Variants in MZT2A observed in about 807,000 individuals in gnomAD.
MZT2A encodes the protein mitotic-spindle organizing protein 2A.
MZT2A carries 8 observed loss-of-function variants against 12.4 expected under a neutral mutation model. The observed-to-expected ratio is 0.64, with a 90% CI of 0.38 to 1.16. The LOEUF is 1.16. MZT2A is among the 50% of genes most tolerant of loss of function. MZT2A has a pLI of 0.01. For synonymous variants in MZT2A, 88 were observed against 107.5 expected (o/e 0.82, Z 1.12); for missense variants, 181 against 223.6 (o/e 0.81, Z 1.22).
intron 2 of MZT2A, among the ~76,000 whole-genome samples, chr2:131,489,025 G>T (rs551399676): frequency 4.1e-4 from 61 of 150,328 alleles, no homozygotes; most frequent in Middle Eastern, 7.0e-3. Flanking sequence ...TCCTGCCCTG[G>T]GCCTACCAGC....
intron 2 of MZT2A, among the ~76,000 whole-genome samples, chr2:131,472,943 C>A (rs1306520507): frequency 6.6e-6 from 1 of 150,598 alleles, no homozygotes; most frequent in Non-Finnish European, 1.5e-5. Context: ...CGCTGAAGCT[C>A]TAATCCCCAA....
chr2:131,492,321 T>G lies in MZT2A; in HGVS notation c.56A>C (p.Glu19Ala), dbSNP rs1379200970. ...GPGSAAPPGL[E>A]AARQKLALRR... ...CAGCGCCAGCTTCTGCCGGGCCGCC[T>G]CCAGCCCCGGGGGCGCCGCCGACCC... The change falls in exon 1 of 3, where the codon GAG (glutamate) becomes GCG (alanine). Residue 19 changes from glutamate to alanine, a missense_variant. Around this residue, in one of 3 missense-constraint regions of MZT2A, gnomAD observed 106 missense variants for 127.2 expected, o/e 0.83. Transcript: ENST00000309451. The G allele has an allele frequency of 1.3e-6, 2 of 1,521,420 alleles. No homozygotes were observed. The highest frequency in any genetic ancestry group is 2.9e-5 in the African/African-American group (2 of 69,414). The allele number at this position is 1,521,420 out of a possible 1,614,324, so 94.2% of individuals were successfully genotyped here. A position where few individuals can be genotyped will look rare whatever the true frequency, so the allele number is the denominator to read the frequency against.
chr2:131,476,182 G>A (rs7561673), intron 2 of MZT2A: 157,238 of 1,605,104 alleles, frequency 0.098, 12,690 homozygotes, highest in African/African-American at 0.42. Flanking sequence ...GCGTTGGGCT[G>A]AAGCAGCGGA....
intron 2 of MZT2A, among the ~76,000 whole-genome samples, chr2:131,485,553 T>C (rs185719415): frequency 2.9e-4 from 44 of 152,244 alleles, no homozygotes; most frequent in African/African-American, 1.1e-3. Flanking sequence ...AACAAATGCT[T>C]TGGACTGACC....
chr2:131,481,061 G>A (rs1490515676), downstream of MZT2A, among the ~76,000 whole-genome samples: 4 of 151,804 alleles, frequency 2.6e-5, no homozygotes, highest in East Asian at 1.9e-4. Flanking sequence ...CCGCTACCAC[G>A]CCCGGCTAAT....
chr2:131,481,709 A>T (rs1470195686), downstream of MZT2A, among the ~76,000 whole-genome samples: 12 of 152,134 alleles, frequency 7.9e-5, no homozygotes, highest in Non-Finnish European at 1.6e-4. Flanking sequence ...GCTGGATTAC[A>T]GGCACGAGCC....
At chr2:131,482,813 G>A (rs772833046), downstream of MZT2A, 36 of 1,614,080 alleles carry the variant, frequency 2.2e-5, no homozygotes, top group Middle Eastern at 3.3e-4. Context: ...CGTGGATTCC[G>A]TGGAAGCTGA....
intron 2 of MZT2A, among the ~76,000 whole-genome samples, chr2:131,485,999 G>T (rs1311202704): frequency 6.6e-6 from 1 of 151,626 alleles, no homozygotes; most frequent in African/African-American, 2.4e-5. Context: ...CTTCCTCAGA[G>T]AATGAGATCT....
chr2:131,471,686 C>T (rs532536941), intron 3 of MZT2A, among the ~76,000 whole-genome samples: 12 of 150,460 alleles, frequency 8.0e-5, no homozygotes, highest in African/African-American at 1.5e-4. Flanking sequence ...TGGTGTCAGG[C>T]GCAGCGTGTC....
At chr2:131,493,578 C>T (rs931138431), upstream of MZT2A, among the ~76,000 whole-genome samples, 1 of 152,114 alleles carries the variant, frequency 6.6e-6, no homozygotes, top group Non-Finnish European at 1.5e-5. Context: ...GAGTTGGAAA[C>T]AAGTGGGCGC....
At chr2:131,476,084 C>A in intron 2 of MZT2A, 1 of 1,536,060 alleles carries the variant, frequency 6.5e-7, no homozygotes, top group Admixed American at 2.0e-5. Context: ...GGCCTGGCAC[C>A]GGCGGGCCAA....
intron 2 of MZT2A, among the ~76,000 whole-genome samples, chr2:131,476,438 G>C (rs538940220): frequency 4.5e-4 from 68 of 152,324 alleles, no homozygotes; most frequent in African/African-American, 1.6e-3. Context: ...GACCATTGAC[G>C]GTGTCCCGTC....
At chr2:131,491,108 A>T in intron 2 of MZT2A, 2 of 709,540 alleles carry the variant, frequency 2.8e-6, no homozygotes, top group South Asian at 3.4e-5. Context: ...GCCTCCTTCC[A>T]TTGGCCTGGG....
chr2:131,490,217 G>A (rs1362651206), intron 2 of MZT2A: 7 of 795,606 alleles, frequency 8.8e-6, no homozygotes, highest in East Asian at 2.3e-4. Flanking sequence ...GGAGTGAGGC[G>A]GGCAAGGGGG....
rs1212982771 is a variant in MZT2A, at chr2:131,484,143, T to G, written c.395A>C (p.Gln132Pro). 2.5e-6 allele frequency: 4 copies of G among 1,614,022 alleles called. No homozygotes were observed. Among genetic ancestry groups the G allele is most frequent in the Non-Finnish European group, 3.4e-6 (4 of 1,180,012 alleles). ...AERSNHEGSS[Q>P]RMPRQPSATR... is the part of the protein sequence containing the mutation. ...AGCGCTGGGCTGGCGTGGCATCCTCTGGCTGGATCCCTCGTGGTTGCTGCG... is the reference window on the plus strand; with the variant it reads ...AGCGCTGGGCTGGCGTGGCATCCTCGGGCTGGATCCCTCGTGGTTGCTGCG... Residue 132 changes from glutamine to proline, a missense_variant, in exon 3 of 3, where the codon CAG becomes CCG. Transcript: ENST00000309451.
upstream of MZT2A, chr2:131,492,527 C>T (rs1486889216): frequency 8.9e-7 from 1 of 1,119,630 alleles, no homozygotes. Context: ...TCCTCGGCGT[C>T]ATTGGAGCCC....
intron 2 of MZT2A, among the ~76,000 whole-genome samples, chr2:131,477,990 A>C (rs1678731175): frequency 6.6e-6 from 1 of 152,206 alleles, no homozygotes; most frequent in Non-Finnish European, 1.5e-5. Flanking sequence ...GGTTTACAGC[A>C]ATTAGTTTTC....
intron 2 of MZT2A, chr2:131,490,828 C>T (rs984781450): frequency 3.9e-6 from 6 of 1,549,830 alleles, no homozygotes; most frequent in African/African-American, 1.4e-5. Flanking sequence ...CCGCAGGCTG[C>T]GGGCTGGAGG....
Position 131,491,897 on chromosome 2 carries a change from A to C in MZT2A, c.298T>G (p.Ser100Ala), listed in dbSNP as rs1679327414. The change falls in exon 2 of 3, where the codon TCG becomes GCG. Residue 100 changes from serine to alanine, a missense_variant. Transcript: ENST00000309451. ...TGACCTCGGGTCTCGGGCACGCTCG[A>C]CGTGGGCAGAGACACGGCCGCAGGG... Reference protein sequence around the residue: ...QDPAAVSLPTSSVPETRGRDK... With the variant: ...QDPAAVSLPTASVPETRGRDK... The C allele has an allele frequency of 6.6e-7, 1 of 1,513,038 alleles. No individual in the cohort carries two copies. Among genetic ancestry groups the C allele is most frequent in the Non-Finnish European group, 8.9e-7 (1 of 1,126,530 alleles). 93.7% of individuals were successfully genotyped at this position (1,513,038 alleles called of 1,614,324 possible). A position where few individuals can be genotyped will look rare whatever the true frequency, so the allele number is the denominator to read the frequency against.
Sources: gnomAD v4.1 joint callset for allele counts (sites outside exome capture counted in the v4.1 genomes callset) on GRCh38, gnomAD v4.1.1 for gene constraint, gnomAD v4.1.1 regional missense constraint, MANE v1.5 for transcripts, NCBI Gene and HGNC (gene_info 2026-07-23, HGNC 2026-07-21) for gene names.